SLC9A9: variants seen among roughly 807,000 people sequenced by gnomAD.
The protein encoded by SLC9A9 is sodium/hydrogen exchanger 9.
A neutral mutation model predicts 77.8 loss-of-function variants in SLC9A9; 62 were observed. That is an observed-to-expected ratio of 0.80 (90% confidence interval 0.65 to 0.98). The LOEUF (loss-of-function observed/expected upper bound fraction) is 0.98, where lower values mean the gene tolerates loss of function less well. Ranked by LOEUF, SLC9A9 falls within the 50% of genes least tolerant of loss-of-function variation. The probability of loss-of-function intolerance (pLI) is 0.00; values close to 1 mark genes in which losing one functional copy is unlikely to be tolerated. For missense variants in SLC9A9, 775 were observed against 774.9 expected (o/e 1.00, Z 0.00); for synonymous variants, 320 against 283.5 (o/e 1.13, Z -1.29).
intron 2 of SLC9A9, among the ~76,000 whole-genome samples, chr3:143,809,717 A>T (rs1462076207): frequency 1.3e-5 from 2 of 152,246 alleles, no homozygotes; most frequent in Non-Finnish European, 2.9e-5. Context: ...CTTTTAAGAT[A>T]CAAATCTTAT....
chr3:143,708,597 T>A (rs1124329), intron 4 of SLC9A9, among the ~76,000 whole-genome samples: 4 of 152,090 alleles, frequency 2.6e-5, no homozygotes, highest in Non-Finnish European at 4.4e-5. Context: ...CTCTATTCAC[T>A]GACCAGTTTG....
At chr3:143,848,084 G>T in intron 1 of SLC9A9, 64 bp downstream of exon 1, 1 of 1,464,294 alleles carries the variant, frequency 6.8e-7, no homozygotes, top group Non-Finnish European at 9.6e-7. Context: ...TGCTATCTGA[G>T]CACAAGTCTC....
In SLC9A9 at chr3:143,265,869, T is replaced by C. The variant is rs3796228; in HGVS notation, c.*833A>G. The C allele has an allele frequency of 0.12, 71,720 of 600,448 alleles. 4,706 individuals carry two copies. The highest frequency in any genetic ancestry group is 0.15 in the Middle Eastern group (333 of 2,258). The allele number at this position is 600,448 out of a possible 1,614,324, so 37.2% of individuals were successfully genotyped here. On this transcript the variant is annotated 3_prime_UTR_variant, in exon 16 of 16. Coordinates refer to ENST00000316549, the MANE Select transcript of SLC9A9 (RefSeq NM_173653.4). ...GAGAGCAACACAGGCTGCAGAATCC[T>C]ACCCTCCAGCATATCGCGGGGAGGG... is the stretch of plus-strand genomic sequence containing the variant.
chr3:143,535,805 A>T (rs952688215), intron 9 of SLC9A9, among the ~76,000 whole-genome samples: 28 of 152,334 alleles, frequency 1.8e-4, no homozygotes, highest in African/African-American at 6.7e-4. Context: ...TATATATAAA[A>T]TGTTCCACCC....
At chr3:143,410,300 T>C (rs114252043) in intron 12 of SLC9A9, among the ~76,000 whole-genome samples, 2,445 of 152,316 alleles carry the variant, frequency 0.016, 26 homozygotes, top group South Asian at 0.046. Flanking sequence ...AGCAGGGCTA[T>C]AATAGATTTA....
At chr3:143,394,785 A>G (rs922424408) in intron 12 of SLC9A9, among the ~76,000 whole-genome samples, 2 of 152,228 alleles carry the variant, frequency 1.3e-5, no homozygotes, top group Non-Finnish European at 2.9e-5. Flanking sequence ...TGCAAAAATC[A>G]TAAGCATTCC....
intron 4 of SLC9A9, among the ~76,000 whole-genome samples, chr3:143,772,932 G>A (rs1453017104): frequency 6.6e-6 from 1 of 152,222 alleles, no homozygotes; most frequent in Non-Finnish European, 1.5e-5. Context: ...AGTGGTCATG[G>A]TTGGACACAG....
At chr3:143,617,357 C>A (rs908169688) in intron 6 of SLC9A9, among the ~76,000 whole-genome samples, 2 of 152,154 alleles carry the variant, frequency 1.3e-5, no homozygotes, top group Non-Finnish European at 2.9e-5. Flanking sequence ...GCCATCAAAA[C>A]CCTATGGCCC....
chr3:143,564,679 T>C (rs1472152113), intron 8 of SLC9A9, among the ~76,000 whole-genome samples: 1 of 152,176 alleles, frequency 6.6e-6, no homozygotes, highest in Non-Finnish European at 1.5e-5. Flanking sequence ...TAGTTCACCA[T>C]ATTTGGCAAC....
At chr3:143,439,770 G>GA (rs904957238) in intron 12 of SLC9A9, among the ~76,000 whole-genome samples, 32 of 145,860 alleles carry the variant, frequency 2.2e-4, no homozygotes, top group Non-Finnish European at 4.8e-4. Context: ...TGGGCTCTGA[G>GA]AGGAGGCTGG....
Position 143,376,307 on chromosome 3 carries a change from C to G in SLC9A9, c.1524+5753G>C, listed in dbSNP as rs771373338. Among the ~76,000 whole-genome samples, 117 of 152,292 alleles carry G rather than the reference C, an allele frequency of 7.7e-4. 1 individual carries two copies. The Middle Eastern group carries it at 0.017, about 22-fold the overall frequency. ...CTCAAATGTTAACTGACAGGCTATC[C>G]TTACTGGGAAGAAAGAACACGTTTA... On this transcript the variant is annotated intron_variant, in intron 13 of 15. Transcript: ENST00000316549.
chr3:143,827,072 A>G (rs1265228192), intron 2 of SLC9A9, among the ~76,000 whole-genome samples: 4 of 152,246 alleles, frequency 2.6e-5, no homozygotes, highest in Non-Finnish European at 5.9e-5. Flanking sequence ...AGTATGAAAC[A>G]GAAAGTTATT....
chr3:143,693,127 G>A, intron 5 of SLC9A9, 65 bp downstream of exon 5: 1 of 1,262,864 alleles, frequency 7.9e-7, no homozygotes, highest in Non-Finnish European at 1.1e-6. Flanking sequence ...GATGGTCTTG[G>A]GGAGAAACAT....
intron 12 of SLC9A9, among the ~76,000 whole-genome samples, chr3:143,422,112 G>T (rs1024000507): frequency 6.6e-6 from 1 of 152,138 alleles, no homozygotes; most frequent in African/African-American, 2.4e-5. Flanking sequence ...GCTGGCAAGG[G>T]TGCAGAGAAA....
chr3:143,652,374 C>T lies in SLC9A9; in HGVS notation c.650-14G>A. 3.1e-6 allele frequency: 5 copies of T among 1,602,854 alleles called. No homozygotes were observed. Among genetic ancestry groups the T allele is most frequent in the Admixed American group, 3.4e-5 (2 of 59,366 alleles). On this transcript the variant is annotated splice_polypyrimidine_tract_variant and intron_variant, in intron 5 of 15. Transcript: ENST00000316549. ...CCAGCACTGTCACTAGGAAGACACACACAAACATGCAGGTTAGCTTGGATG... is the reference window on the plus strand; with the variant it reads ...CCAGCACTGTCACTAGGAAGACACATACAAACATGCAGGTTAGCTTGGATG...
At chr3:143,600,553 C>T (rs948000866) in intron 6 of SLC9A9, among the ~76,000 whole-genome samples, 5 of 152,104 alleles carry the variant, frequency 3.3e-5, no homozygotes, top group Non-Finnish European at 7.4e-5. Context: ...AAGCTAATAA[C>T]TCTACTATTT....
intron 14 of SLC9A9, among the ~76,000 whole-genome samples, chr3:143,350,958 C>T (rs185749874): frequency 6.4e-4 from 97 of 152,294 alleles, no homozygotes; most frequent in Non-Finnish European, 1.0e-3. Flanking sequence ...AAAATAAACC[C>T]AGAATTGAGG....
intron 5 of SLC9A9, among the ~76,000 whole-genome samples, chr3:143,666,719 C>A (rs77287719): frequency 6.6e-6 from 1 of 152,098 alleles, no homozygotes; most frequent in Admixed American, 6.6e-5. Flanking sequence ...CATGAGTGAA[C>A]TCCCATTCAC....
intron 9 of SLC9A9, chr3:143,504,122 A>T: frequency 2.1e-6 from 1 of 472,270 alleles, no homozygotes; most frequent in Non-Finnish European, 4.2e-6. Context: ...CCATGGGTGG[A>T]ATCATACTGA....
Sources: allele counts gnomAD v4.1 joint callset (sites outside exome capture counted in the v4.1 genomes callset), GRCh38; gene constraint gnomAD v4.1.1; transcripts MANE v1.5; gene names NCBI Gene and HGNC (gene_info 2026-07-23, HGNC 2026-07-21).